Variants in RBMX observed in about 807,000 individuals in gnomAD.
RBMX encodes RNA-binding motif protein, X chromosome.
Under a neutral mutation model 29.3 loss-of-function variants are expected in RBMX, and 1 was observed. The ratio of observed to expected loss-of-function variants is 0.03; its 90% CI spans 0.01 to 0.16. The LOEUF is 0.16. Among genes scored for constraint, RBMX ranks in the 10% least tolerant of loss-of-function variants. The probability of loss-of-function intolerance (pLI) is 1.00; values close to 1 mark genes in which losing one functional copy is unlikely to be tolerated. For missense variants in RBMX, 121 were observed against 333.2 expected (o/e 0.36, Z 4.96); for synonymous variants, 102 against 102.3 (o/e 1.00, Z 0.02).
rs754169349 is a variant in RBMX at position 136,879,426 on chromosome X, ATGT to A, written c.-2_1del. ...CTTTCCTGGGCGATCTGCTTCAACC[ATGT>A]TTTTTTTTTTTTGGGCCGGTGAGTC... On this transcript the variant is annotated start_lost and start_retained_variant and 5_prime_UTR_variant, in exon 2 of 9. Coordinates refer to ENST00000320676, the MANE Select transcript of RBMX (RefSeq NM_002139.4). 48 of 967,096 alleles carry A rather than the reference ATGT, an allele frequency of 5.0e-5. No individual in the cohort carries two copies. Among genetic ancestry groups the A allele is most frequent in the Admixed American group, 4.3e-4 (14 of 32,402 alleles). The allele number at this position is 967,096 out of a possible 1,213,427, so 79.7% of individuals were successfully genotyped here. A position where few individuals can be genotyped will look rare whatever the true frequency, so the allele number is the denominator to read the frequency against.
Position 136,876,670 on chromosome X carries a change from G to T in RBMX, c.389-15C>A. On this transcript the variant is annotated splice_polypyrimidine_tract_variant and intron_variant, in intron 4 of 8. Coordinates refer to ENST00000320676, the MANE Select transcript of RBMX (RefSeq NM_002139.4). ...TCCACCGTCATCTGCATCAAAAATA[G>T]AAAAGAAAAATATTACTACTCACAA... is the stretch of plus-strand genomic sequence containing the variant. The T allele has an allele frequency of 8.9e-7, 1 of 1,127,798 alleles. No homozygotes were observed. Among genetic ancestry groups the T allele is most frequent in the African/African-American group, 1.9e-5 (1 of 53,376 alleles). 92.9% of individuals were successfully genotyped at this position (1,127,798 alleles called of 1,213,427 possible). A position where few individuals can be genotyped will look rare whatever the true frequency, so the allele number is the denominator to read the frequency against.
intron 2 of RBMX, 35 bp downstream of exon 2, chrX:136,879,284 T>G: frequency 8.3e-7 from 1 of 1,200,517 alleles, no homozygotes; most frequent in South Asian, 1.8e-5. Flanking sequence ...ATATTTTAAT[T>G]ATAATAGCCC....
intron 1 of RBMX, among the ~76,000 whole-genome samples, chrX:136,879,913 G>C (rs1412785134): frequency 9.0e-6 from 1 of 111,605 alleles, no homozygotes; most frequent in Non-Finnish European, 1.9e-5. Context: ...CTAAATCCAA[G>C]GAGAAATGTG....
At chrX:136,871,816 T>G (rs867017242), downstream of RBMX, among the ~76,000 whole-genome samples, 3 of 99,939 alleles carry the variant, frequency 3.0e-5, no homozygotes, top group Admixed American at 1.1e-4. Flanking sequence ...CCGGTGTTTT[T>G]TTTTTTTTTT....
chrX:136,871,487 C>T (rs1004481324), downstream of RBMX, among the ~76,000 whole-genome samples: 2 of 108,945 alleles, frequency 1.8e-5, no homozygotes, highest in Non-Finnish European at 3.8e-5. Flanking sequence ...CATACTATGT[C>T]GTCATTATGT....
intron 5 of RBMX, 38 bp from the exon 6 acceptor site, chrX:136,875,623 GAAAA>G (rs765131746): frequency 1.7e-6 from 2 of 1,183,803 alleles, no homozygotes; most frequent in Non-Finnish European, 2.3e-6. Context: ...CATAGCCAGA[GAAAA>G]AAGTTAAAAC....
downstream of RBMX, among the ~76,000 whole-genome samples, chrX:136,871,643 T>C (rs1464011905): frequency 4.6e-5 from 5 of 108,573 alleles, no homozygotes; most frequent in East Asian, 1.2e-3. Context: ...CAAAATGCAC[T>C]GAGCAAATTT....
intron 4 of RBMX, among the ~76,000 whole-genome samples, chrX:136,877,052 T>A (rs1049768948): frequency 9.3e-6 from 1 of 108,028 alleles, no homozygotes; most frequent in Non-Finnish European, 1.9e-5. Flanking sequence ...ATATGACCAT[T>A]ATTGGGCCGG....
downstream of RBMX, among the ~76,000 whole-genome samples, chrX:136,871,125 A>G (rs2148708811): frequency 9.3e-6 from 1 of 107,148 alleles, no homozygotes; most frequent in East Asian, 2.9e-4. Context: ...AAGAGAAGAA[A>G]AAAAAAAAAC....
chrX:136,869,648 TGA>T (rs966256195), downstream of RBMX: 2 of 111,118 alleles, frequency 1.8e-5, no homozygotes, highest in Non-Finnish European at 3.8e-5. Flanking sequence ...GGTTGTCAAA[TGA>T]GAGTTAAAAA....
intron 1 of RBMX, 114 bp from the exon 2 acceptor site, chrX:136,879,567 TAAAGA>T (rs780035819): frequency 3.1e-6 from 2 of 648,702 alleles, no homozygotes; most frequent in South Asian, 3.0e-5. Flanking sequence ...CCTTAATAAC[TAAAGA>T]AAACGATAAC....
At chrX:136,872,141 C>T, downstream of RBMX, 5 of 510,588 alleles carry the variant, frequency 9.8e-6, no homozygotes, top group Non-Finnish European at 1.6e-5. Flanking sequence ...TTAACTTCAT[C>T]AATTCCAAGC....
chrX:136,880,173 G>A lies in RBMX; in HGVS notation c.-27+424C>T, dbSNP rs1173135769. Among the ~76,000 whole-genome samples, 4 of 111,875 alleles carry A rather than the reference G, an allele frequency of 3.6e-5. No individual in the cohort carries two copies. In the East Asian group the frequency reaches 1.1e-3, roughly 31 times the overall value. ...ATTCAACCCAGAACCACCGACACTGGTCAGGGGACTAACTTTTACCACCAA... is the reference window on the plus strand; with the variant it reads ...ATTCAACCCAGAACCACCGACACTGATCAGGGGACTAACTTTTACCACCAA... On this transcript the variant is annotated intron_variant, in intron 1 of 8. Transcript: ENST00000320676.
intron 1 of RBMX, among the ~76,000 whole-genome samples, 179 bp from the exon 2 acceptor site, chrX:136,879,632 T>TTA (rs1569441524): frequency 8.9e-6 from 1 of 112,213 alleles, no homozygotes; most frequent in African/African-American, 3.2e-5. Flanking sequence ...AGTAGTTTAG[T>TTA]AACACTGCAA....
At chrX:136,878,468 G>A (rs770990329) in intron 3 of RBMX, among the ~76,000 whole-genome samples, 55 of 110,483 alleles carry the variant, frequency 5.0e-4, no homozygotes, top group Non-Finnish European at 7.8e-4. Flanking sequence ...GGGCGCAGTG[G>A]CTCGCAGTGT....
intron 2 of RBMX, 96 bp from the exon 3 acceptor site, chrX:136,879,219 G>A: frequency 8.4e-7 from 1 of 1,196,173 alleles, no homozygotes; most frequent in Non-Finnish European, 1.1e-6. Flanking sequence ...CTTCTTAGAG[G>A]ACAAAAATAC....
rs755621649 is a variant in RBMX at position 136,879,428 on chromosome X, G to GT, written c.-2dup. On this transcript the variant is annotated 5_prime_UTR_variant, in exon 2 of 9. Transcript: ENST00000320676. ...TTCCTGGGCGATCTGCTTCAACCAT[G>GT]TTTTTTTTTTTTTGGGCCGGTGAGT... 9.3e-3 allele frequency: 9,706 copies of GT among 1,047,598 alleles called. 2 individuals carry two copies. Among genetic ancestry groups the GT allele is most frequent in the Admixed American group, 0.028 (1,030 of 36,989 alleles). The allele number at this position is 1,047,598 out of a possible 1,213,427, so 86.3% of individuals were successfully genotyped here. A position where few individuals can be genotyped will look rare whatever the true frequency, so the allele number is the denominator to read the frequency against.
chrX:136,874,100 G>C lies in RBMX; in HGVS notation c.*42C>G. ...TATGATAGAATAGTTTCCACTTTTT[G>C]TTTCTTTGAACTGGGATTTTGGTCC... On this transcript the variant is annotated 3_prime_UTR_variant, in exon 9 of 9. Coordinates refer to ENST00000320676, the MANE Select transcript of RBMX (RefSeq NM_002139.4). 8.6e-7 allele frequency: 1 copy of C among 1,161,784 alleles called. No homozygotes were observed. Among genetic ancestry groups the C allele is most frequent in the Non-Finnish European group, 1.1e-6 (1 of 872,253 alleles).
intron 2 of RBMX, 24 bp from the exon 3 acceptor site, chrX:136,879,147 TAA>T (rs1253169962): frequency 2.5e-6 from 3 of 1,210,765 alleles, no homozygotes; most frequent in Non-Finnish European, 3.4e-6. Context: ...TTCAGAAAAA[TAA>T]AGTGTTACCC....
Sources: allele counts gnomAD v4.1 joint callset (sites outside exome capture counted in the v4.1 genomes callset), GRCh38; gene constraint gnomAD v4.1.1; transcripts MANE v1.5; gene names NCBI Gene and HGNC (gene_info 2026-07-23, HGNC 2026-07-21).